Variants in SLC39A8 observed in about 807,000 individuals in gnomAD.
The protein encoded by SLC39A8 is solute carrier family 39 member 8, also known as metal cation symporter ZIP8.
SLC39A8 carries 15 observed loss-of-function variants against 40.4 expected under a neutral mutation model. The observed-to-expected ratio is 0.37, with a 90% confidence interval of 0.25 to 0.57. The LOEUF (loss-of-function observed/expected upper bound fraction) is 0.57. Ranked by LOEUF, SLC39A8 falls within the 20% of genes least tolerant of loss-of-function variation. The pLI is 0.75. For synonymous variants in SLC39A8, 223 were observed against 221.6 expected, an observed-to-expected ratio of 1.01 and a Z score of -0.06; for missense variants, 472 against 558.8, an observed-to-expected ratio of 0.84 and a Z score of 1.57.
At chr4:102,298,440 C>G (rs1299356197) in intron 6 of SLC39A8, among the ~76,000 whole-genome samples, 2 of 151,916 alleles carry the variant, frequency 1.3e-5, no homozygotes, top group African/African-American at 4.8e-5. Context: ...TATGTAAGTA[C>G]CAGTCAATCA....
rs957816165 is a variant in SLC39A8, at chr4:102,274,601, A to G, written c.841-6522T>C. Among the ~76,000 whole-genome samples, 9 of 152,284 alleles carry G rather than the reference A, an allele frequency of 5.9e-5. No individual in the cohort carries two copies. The South Asian group carries it at 1.0e-3, about 18-fold the overall frequency. On this transcript the variant is annotated intron_variant, in intron 6 of 8. Transcript: ENST00000356736. ...AATTCAAATTCAGGAAATACAGAGA[A>G]CACCACTAAGATACTCCTTGAGAAG...
At chr4:102,289,533 G>A (rs1578579093) in intron 6 of SLC39A8, among the ~76,000 whole-genome samples, 1 of 152,184 alleles carries the variant, frequency 6.6e-6, no homozygotes, top group East Asian at 1.9e-4. Context: ...TCTCAGCAAA[G>A]GAAGTTGAAA....
At chr4:102,330,196 C>T (rs1264813458) in intron 2 of SLC39A8, among the ~76,000 whole-genome samples, 1 of 151,908 alleles carries the variant, frequency 6.6e-6, no homozygotes, top group Non-Finnish European at 1.5e-5. Flanking sequence ...GAGACAGAGG[C>T]ACAAAAAAAC....
At chr4:102,278,063 G>C (rs561861237) in intron 6 of SLC39A8, among the ~76,000 whole-genome samples, 160 of 152,286 alleles carry the variant, frequency 1.1e-3, no homozygotes, top group African/African-American at 3.5e-3. Flanking sequence ...TACCATTCAA[G>C]ACATAGGTAT....
chr4:102,261,876 G>A lies in SLC39A8; in HGVS notation c.*1168C>T, dbSNP rs1578551975. 7 of 985,892 alleles carry A rather than the reference G, an allele frequency of 7.1e-6. No homozygotes were observed. The highest frequency in any genetic ancestry group is 8.4e-6 in the Non-Finnish European group (7 of 829,896). 61.1% of individuals were successfully genotyped at this position (985,892 alleles called of 1,614,324 possible). A position where few individuals can be genotyped will look rare whatever the true frequency, so the allele number is the denominator to read the frequency against. The stretch of plus-strand genomic sequence containing the variant: ...TCCTCACCATCAAATCACCTTAAGT[G>A]ACTTGGGAGTGTGAATCTAGGATGT... On this transcript the variant is annotated 3_prime_UTR_variant, in exon 9 of 9. Coordinates refer to ENST00000356736, the MANE Select transcript of SLC39A8 (RefSeq NM_001135146.2).
chr4:102,275,644 T>C (rs9991137), intron 6 of SLC39A8, among the ~76,000 whole-genome samples: 5,869 of 152,192 alleles, frequency 0.039, 426 homozygotes, highest in African/African-American at 0.14. Flanking sequence ...CTAATAGATA[T>C]CTACAGAACT....
intron 6 of SLC39A8, among the ~76,000 whole-genome samples, chr4:102,288,768 T>C (rs1465774850): frequency 6.6e-6 from 1 of 152,070 alleles, no homozygotes; most frequent in East Asian, 1.9e-4. Flanking sequence ...AGCAAGCCCC[T>C]CTTTTCAATT....
intron 2 of SLC39A8, among the ~76,000 whole-genome samples, chr4:102,328,248 TC>T (rs1735301781): frequency 6.6e-6 from 1 of 152,150 alleles, no homozygotes; most frequent in Non-Finnish European, 1.5e-5. Context: ...TGGCTTCTAT[TC>T]CCACCACTTC....
At chr4:102,269,921 A>G (rs1448927161) in intron 6 of SLC39A8, 2 of 152,182 alleles carry the variant, frequency 1.3e-5, no homozygotes, top group Non-Finnish European at 2.9e-5. Flanking sequence ...TAAACGCACA[A>G]CACAATAAAC....
intron 6 of SLC39A8, among the ~76,000 whole-genome samples, chr4:102,294,767 C>A (rs1733609100): frequency 6.6e-6 from 1 of 151,544 alleles, no homozygotes; most frequent in Non-Finnish European, 1.5e-5. Context: ...GAAAAAAAAA[C>A]TCAACTAAAA....
intron 6 of SLC39A8, among the ~76,000 whole-genome samples, chr4:102,303,881 A>G (rs959360286): frequency 3.3e-5 from 5 of 151,916 alleles, no homozygotes; most frequent in Non-Finnish European, 5.9e-5. Context: ...AGATGTGGAT[A>G]TAAATATAAA....
intron 6 of SLC39A8, among the ~76,000 whole-genome samples, chr4:102,281,524 G>A (rs747858287): frequency 1.3e-5 from 2 of 152,098 alleles, no homozygotes; most frequent in Middle Eastern, 3.2e-3. Context: ...AGAAACACAC[G>A]GTCAAGGAGC....
chr4:102,282,720 T>TTTGG (rs1732953433), intron 6 of SLC39A8, among the ~76,000 whole-genome samples: 2 of 152,074 alleles, frequency 1.3e-5, no homozygotes, highest in African/African-American at 4.8e-5. Flanking sequence ...CAAGGCAGTT[T>TTTGG]TTTGTTTGTT....
At chr4:102,259,444 G>C (rs765601139), downstream of SLC39A8, 2 of 1,527,134 alleles carry the variant, frequency 1.3e-6, no homozygotes, top group South Asian at 2.4e-5. Flanking sequence ...ATTGTTCCTT[G>C]TTATTCTTAC....
chr4:102,316,587 A>C (rs1403269573), intron 2 of SLC39A8, among the ~76,000 whole-genome samples: 1 of 152,188 alleles, frequency 6.6e-6, no homozygotes, highest in African/African-American at 2.4e-5. Context: ...ATTATTAAGA[A>C]AAATATAAAA....
At chr4:102,320,223 G>GTATGAGTATATATATATGAGAATATATA (rs1560560951) in intron 2 of SLC39A8, among the ~76,000 whole-genome samples, 1 of 124,272 alleles carries the variant, frequency 8.0e-6, no homozygotes, top group Non-Finnish European at 1.6e-5. Flanking sequence ...ATGTATATAT[G>GTATGAGTATATATATATGAGAATATATA]TATGAGTATA....
intron 6 of SLC39A8, among the ~76,000 whole-genome samples, chr4:102,294,757 G>GA (rs966202267): frequency 1.0e-4 from 15 of 149,720 alleles, no homozygotes; most frequent in East Asian, 3.9e-4. Context: ...AAATCATTAA[G>GA]AAAAAAAAAC....
chr4:102,337,211 A>G, intron 2 of SLC39A8, among the ~76,000 whole-genome samples: 1 of 148,996 alleles, frequency 6.7e-6, no homozygotes, highest in African/African-American at 2.5e-5. Context: ...CCCTACTACC[A>G]CCAAAAGGAA....
chr4:102,293,911 T>C (rs1299518288), intron 6 of SLC39A8, among the ~76,000 whole-genome samples: 1 of 151,538 alleles, frequency 6.6e-6, no homozygotes, highest in Non-Finnish European at 1.5e-5. Context: ...GAGTTTTGTT[T>C]TTTTTTTCCA....
Sources: allele counts gnomAD v4.1 joint callset (sites outside exome capture counted in the v4.1 genomes callset), GRCh38; gene constraint gnomAD v4.1.1; transcripts MANE v1.5; gene names NCBI Gene and HGNC (gene_info 2026-07-23, HGNC 2026-07-21).